Variants in MYO9B observed in about 807,000 individuals in gnomAD.
MYO9B encodes the protein myosin IXB.
A neutral mutation model predicts 229.5 loss-of-function variants in MYO9B; 71 were observed. That is an observed-to-expected ratio of 0.31 (90% CI 0.26 to 0.38). The LOEUF (loss-of-function observed/expected upper bound fraction) is 0.38, where lower values mean the gene tolerates loss of function less well. Among genes scored for constraint, MYO9B ranks in the 10% least tolerant of loss-of-function variants. The pLI, the probability that MYO9B is intolerant of heterozygous loss-of-function variation, is 1.00. For synonymous variants in MYO9B, 1,185 were observed against 1,235.8 expected (o/e 0.96, Z 0.86); for missense variants, 2,255 against 2,920.5 (o/e 0.77, Z 5.25).
chr19:17,096,168 C>A (rs1413217274), intron 1 of MYO9B, among the ~76,000 whole-genome samples: 3 of 152,162 alleles, frequency 2.0e-5, no homozygotes, highest in Non-Finnish European at 2.9e-5. Flanking sequence ...GGTTCCTTCT[C>A]ATTGTTGAAC....
chr19:17,143,747 C>G (rs890942223), intron 2 of MYO9B, among the ~76,000 whole-genome samples: 1 of 152,120 alleles, frequency 6.6e-6, no homozygotes, highest in Non-Finnish European at 1.5e-5. Context: ...GTGGTGAAAC[C>G]CCGTCTCTAC....
At chr19:17,109,482 A>G (rs993316912) in intron 2 of MYO9B, among the ~76,000 whole-genome samples, 1 of 152,180 alleles carries the variant, frequency 6.6e-6, no homozygotes, top group Non-Finnish European at 1.5e-5. Context: ...TTTAAAGATG[A>G]GGAAACTGAG....
intron 1 of MYO9B, among the ~76,000 whole-genome samples, chr19:17,088,596 G>T (rs770920795): frequency 3.3e-5 from 5 of 152,166 alleles, no homozygotes; most frequent in Non-Finnish European, 7.3e-5. Flanking sequence ...ACCAATTCCT[G>T]TGATGTCCTG....
At chr19:17,116,831 A>T (rs1031085899) in intron 2 of MYO9B, among the ~76,000 whole-genome samples, 29 of 152,208 alleles carry the variant, frequency 1.9e-4, no homozygotes, top group African/African-American at 7.0e-4. Context: ...ACCCCCAGGT[A>T]GAAGGGGCAC....
In MYO9B at chr19:17,194,733, G is replaced by A. The variant is rs545758135; in HGVS notation, c.3306G>A (p.Glu1102=). The A allele has an allele frequency of 6.2e-7, 1 of 1,613,064 alleles. No homozygotes were observed. Reference sequence around the variant, plus strand: ...GCGGGCACCTGGCATCGGAGCCTGAGGTGCAGCCAAGTGACAGGTCCCCCC... The same window carrying A: ...GCGGGCACCTGGCATCGGAGCCTGAAGTGCAGCCAAGTGACAGGTCCCCCC... ...EDGGHLASEP[E]VQPSDRSPLE... The change falls in exon 22 of 40, where the codon GAG becomes GAA. Residue 1102 remains glutamate, a synonymous_variant. Coordinates refer to ENST00000682292, the MANE Select transcript of MYO9B (RefSeq NM_004145.4).
intron 14 of MYO9B, among the ~76,000 whole-genome samples, chr19:17,176,166 A>ACTAC (rs1385566084): frequency 2.3e-4 from 35 of 152,068 alleles, no homozygotes; most frequent in African/African-American, 8.2e-4. Flanking sequence ...AGTAGCTGGG[A>ACTAC]CTACAGGCAC....
At chr19:17,104,735 A>AAAAAAAC (rs59484256) in intron 2 of MYO9B, among the ~76,000 whole-genome samples, 67,633 of 150,824 alleles carry the variant, frequency 0.45, 16,088 homozygotes, top group Middle Eastern at 0.61. Context: ...TCCGCTTAAA[A>AAAAAAAC]AAAAAACAAA....
intron 20 of MYO9B, among the ~76,000 whole-genome samples, chr19:17,191,592 T>C (rs2072986227): frequency 1.3e-5 from 2 of 152,102 alleles, no homozygotes; most frequent in African/African-American, 4.8e-5. Context: ...TCTGGGCATG[T>C]GTTTGCCTCT....
intron 17 of MYO9B, 107 bp downstream of exon 17, chr19:17,185,094 G>A: frequency 6.6e-7 from 1 of 1,518,392 alleles, no homozygotes; most frequent in Admixed American, 1.8e-5. Context: ...TACAAAAATT[G>A]GCCGGGCGCG....
chr19:17,186,237 G>A (rs1308009941), intron 18 of MYO9B, among the ~76,000 whole-genome samples: 1 of 152,190 alleles, frequency 6.6e-6, no homozygotes, highest in Non-Finnish European at 1.5e-5. Context: ...GGAGCGACAG[G>A]TCAGGGGTGC....
chr19:17,134,069 ACTT>A (rs2072236412), intron 2 of MYO9B, among the ~76,000 whole-genome samples: 1 of 151,284 alleles, frequency 6.6e-6, no homozygotes, highest in Admixed American at 6.6e-5. Context: ...CCTGCTTTCT[ACTT>A]CTGTGAGTTT....
chr19:17,131,918 C>T (rs1480010004), intron 2 of MYO9B, among the ~76,000 whole-genome samples: 3 of 152,136 alleles, frequency 2.0e-5, no homozygotes, highest in Middle Eastern at 3.4e-3. Context: ...CTCACTCTGT[C>T]GTCTAGGCTA....
intron 15 of MYO9B, among the ~76,000 whole-genome samples, chr19:17,183,120 C>T (rs1318052959): frequency 1.3e-5 from 2 of 152,152 alleles, no homozygotes; most frequent in African/African-American, 4.8e-5. Context: ...CAGGGTTTCA[C>T]CATGTTGGCC....
intron 2 of MYO9B, among the ~76,000 whole-genome samples, chr19:17,144,273 G>GT (rs990464672): frequency 2.6e-5 from 4 of 152,080 alleles, no homozygotes; most frequent in African/African-American, 9.7e-5. Flanking sequence ...ATAAAATGAT[G>GT]TTTTTGCAAA....
chr19:17,164,731 T>C (rs1024253812), intron 10 of MYO9B, among the ~76,000 whole-genome samples: 1 of 152,130 alleles, frequency 6.6e-6, no homozygotes, highest in African/African-American at 2.4e-5. Context: ...ATTCATGTCT[T>C]CTCCTTCACG....
At chr19:17,078,395 C>T (rs1184104356) in intron 1 of MYO9B, among the ~76,000 whole-genome samples, 1 of 152,068 alleles carries the variant, frequency 6.6e-6, no homozygotes, top group Non-Finnish European at 1.5e-5. Flanking sequence ...CAAAAATTAG[C>T]CCGGCGTGGT....
Position 17,213,131 on chromosome 19 carries a change from C to CAGACCT in MYO9B, c.*822_*827dup, listed in dbSNP as rs1279536041. On this transcript the variant is annotated 3_prime_UTR_variant, in exon 40 of 40. Transcript: ENST00000682292. ...GGGTCAGGAGGGCAACGCCTGAAGTCAGACCTCCCTATAGGTCAACAGGGA... is the reference window on the plus strand; with the variant it reads ...GGGTCAGGAGGGCAACGCCTGAAGTCAGACCTAGACCTCCCTATAGGTCAACAGGGA... 3 of 152,316 alleles carry CAGACCT rather than the reference C, an allele frequency of 2.0e-5. No individual in the cohort carries two copies. The highest frequency in any genetic ancestry group is 7.2e-5 in the African/African-American group (3 of 41,478). The allele number at this position is 152,316 out of a possible 1,614,324, so 9.4% of individuals were successfully genotyped here.
Position 17,200,734 on chromosome 19 carries a change from A to G in MYO9B, c.4468A>G (p.Lys1490Glu). The change falls in exon 26 of 40, where the codon AAG (lysine) becomes GAG (glutamate). Residue 1490 changes from lysine (K) to glutamate (E), a missense_variant. Transcript: ENST00000682292. ...GKKNRNVKIG[K>E]ITVSEKWRES... The stretch of plus-strand genomic sequence containing the variant: ...GAAGAACCGAAATGTCAAGATTGGG[A>G]AGATCACAGTGTCAGAGAAGTGGCG... 6.2e-7 allele frequency: 1 copy of G among 1,614,086 alleles called. No individual in the cohort carries two copies. The highest frequency in any genetic ancestry group is 8.5e-7 in the Non-Finnish European group (1 of 1,179,906).
chr19:17,197,683 C>G (rs2073061042), intron 22 of MYO9B, 109 bp from the exon 23 acceptor site: 1 of 1,267,258 alleles, frequency 7.9e-7, no homozygotes, highest in Non-Finnish European at 1.1e-6. Context: ...TGCCAAGTGT[C>G]CCCTGGCAGG....
Sources: allele counts gnomAD v4.1 joint callset (sites outside exome capture counted in the v4.1 genomes callset), GRCh38; gene constraint gnomAD v4.1.1; transcripts MANE v1.5; gene names NCBI Gene and HGNC (gene_info 2026-07-23, HGNC 2026-07-21).